PIR: variants seen among roughly 807,000 people sequenced by gnomAD.
PIR encodes pirin (iron-binding nuclear protein).
In PIR, 22 loss-of-function variants were observed where a neutral mutation model predicts 24.2. That is an observed-to-expected ratio of 0.91 (90% CI 0.65 to 1.30). The LOEUF is 1.30. Among genes scored for constraint, PIR ranks in the 50% most tolerant of loss-of-function variants. PIR has a pLI of 0.00. For synonymous variants in PIR, 80 were observed against 79.6 expected (o/e 1.00, Z -0.03); for missense variants, 220 against 220.3 (o/e 1.00, Z 0.01).
intron 2 of PIR, among the ~76,000 whole-genome samples, chrX:15,483,288 T>A (rs986861430): frequency 9.1e-6 from 1 of 110,074 alleles, no homozygotes; most frequent in African/African-American, 3.3e-5. Flanking sequence ...TATCTCAACC[T>A]GGTGTTTCAT....
At chrX:15,394,941 T>C (rs1413192939) in intron 8 of PIR, among the ~76,000 whole-genome samples, 1 of 111,654 alleles carries the variant, frequency 9.0e-6, no homozygotes, top group African/African-American at 3.3e-5. Context: ...GGTCAACCAG[T>C]AGTCAAATGG....
intron 2 of PIR, among the ~76,000 whole-genome samples, chrX:15,489,388 A>G (rs894125324): frequency 1.8e-5 from 2 of 112,380 alleles, no homozygotes; most frequent in African/African-American, 6.5e-5. Context: ...AGAAATTGAT[A>G]GGTTTCATCA....
At chrX:15,397,631 A>G (rs1239127241) in intron 7 of PIR, 100 bp from the exon 8 acceptor site, 12 of 509,832 alleles carry the variant, frequency 2.4e-5, no homozygotes, top group African/African-American at 2.1e-4. Context: ...ATTTATTTTA[A>G]TTTGAGAAAT....
chrX:15,424,768 G>A (rs1925250532), intron 6 of PIR, among the ~76,000 whole-genome samples: 1 of 112,083 alleles, frequency 8.9e-6, no homozygotes, highest in Non-Finnish European at 1.9e-5. Flanking sequence ...GGCCAAGGCA[G>A]GAGGATCAAC....
chrX:15,429,377 A>G (rs1362456794), intron 5 of PIR: 1 of 112,269 alleles, frequency 8.9e-6, no homozygotes, highest in Non-Finnish European at 1.9e-5. Context: ...AAAAAGTCTA[A>G]GAGGAAATTT....
At chrX:15,491,056 C>T (rs778104673) in intron 2 of PIR, 106 bp downstream of exon 2, 39 of 551,231 alleles carry the variant, frequency 7.1e-5, no homozygotes, top group Non-Finnish European at 1.1e-4. Context: ...ATGCACTCCA[C>T]AGGCCAGCTC....
At position 15,447,597 on chromosome X, in the gene PIR, C is replaced by T. The variant is rs745740933; in HGVS notation, c.480+8251G>A. On this transcript the variant is annotated intron_variant, in intron 5 of 9. Transcript: ENST00000380420. ...CCTCCCAAAGTGCTGGGATTACAGGCGTGAGCCACCACGCCCGGCTGCTGA... is the reference window on the plus strand; with the variant it reads ...CCTCCCAAAGTGCTGGGATTACAGGTGTGAGCCACCACGCCCGGCTGCTGA... 1.1e-3 allele frequency among the ~76,000 whole-genome samples: 126 copies of T among 112,175 alleles called. 1 individual carries two copies. The highest frequency in any genetic ancestry group is 1.4e-3 in the Non-Finnish European group (76 of 53,233).
At chrX:15,433,645 GA>G (rs1925605689) in intron 5 of PIR, among the ~76,000 whole-genome samples, 2 of 94,240 alleles carry the variant, frequency 2.1e-5, no homozygotes, top group South Asian at 5.7e-4. Context: ...AAAGAAGGAG[GA>G]AGAAGAGGAA....
At chrX:15,440,561 A>G (rs1460810700) in intron 5 of PIR, among the ~76,000 whole-genome samples, 1 of 110,909 alleles carries the variant, frequency 9.0e-6, no homozygotes, top group East Asian at 2.8e-4. Flanking sequence ...TGCTCTCCAC[A>G]ATGAACACAG....
At chrX:15,475,289 G>C (rs1922136664) in intron 3 of PIR, among the ~76,000 whole-genome samples, 1 of 111,596 alleles carries the variant, frequency 9.0e-6, no homozygotes, top group Admixed American at 9.5e-5. Flanking sequence ...TGGAAACAGG[G>C]TGGTTTTGTT....
intron 5 of PIR, among the ~76,000 whole-genome samples, chrX:15,455,630 T>C (rs769385674): frequency 2.4e-4 from 27 of 112,779 alleles, no homozygotes; most frequent in African/African-American, 7.7e-4. Flanking sequence ...CCAAACTTTA[T>C]ATGAGCTTGC....
intron 2 of PIR, among the ~76,000 whole-genome samples, chrX:15,488,596 ATTGT>A (rs767296094): frequency 2.1e-3 from 231 of 112,314 alleles, no homozygotes; most frequent in African/African-American, 6.7e-3. Context: ...GGAACATAAA[ATTGT>A]TTGTTCTATA....
chrX:15,390,253 T>A lies in PIR; in HGVS notation c.694-2A>T. 1 of 1,094,319 alleles carries A rather than the reference T, an allele frequency of 9.1e-7. No homozygotes were observed. Among genetic ancestry groups the A allele is most frequent in the South Asian group, 2.1e-5 (1 of 46,651 alleles). The allele number at this position is 1,094,319 out of a possible 1,213,427, so 90.2% of individuals were successfully genotyped here. A position where few individuals can be genotyped will look rare whatever the true frequency, so the allele number is the denominator to read the frequency against. On this transcript the variant is annotated splice_acceptor_variant, in intron 8 of 9. Transcript: ENST00000380420. LOFTEE classifies it high-confidence loss of function. ...GACAAAGTGGCTTCTCTTGGGATCCTAAAGTTAACAAAGAAAACATCAAAC... is the reference window on the plus strand; with the variant it reads ...GACAAAGTGGCTTCTCTTGGGATCCAAAAGTTAACAAAGAAAACATCAAAC...
chrX:15,413,517 C>T (rs1022213663), intron 6 of PIR, among the ~76,000 whole-genome samples: 1 of 111,747 alleles, frequency 8.9e-6, no homozygotes, highest in African/African-American at 3.3e-5. Context: ...CAGCAAGTAA[C>T]AGCTCACCGT....
chrX:15,395,633 A>G (rs978397998), intron 8 of PIR, among the ~76,000 whole-genome samples: 1 of 112,229 alleles, frequency 8.9e-6, no homozygotes, highest in Non-Finnish European at 1.9e-5. Context: ...AAGAAACTGA[A>G]GCTCAGAGGG....
At chrX:15,434,534 A>T (rs1006067392) in intron 5 of PIR, among the ~76,000 whole-genome samples, 2 of 110,688 alleles carry the variant, frequency 1.8e-5, no homozygotes, top group African/African-American at 6.6e-5. Context: ...GTCAGTGGTG[A>T]CTGGTTTCAA....
chrX:15,421,895 C>T (rs1925143385), intron 6 of PIR, among the ~76,000 whole-genome samples: 1 of 111,453 alleles, frequency 9.0e-6, no homozygotes, highest in Non-Finnish European at 1.9e-5. Context: ...AAACTCTCAA[C>T]AAAATACTAG....
chrX:15,446,531 G>A (rs887562248), intron 5 of PIR, among the ~76,000 whole-genome samples: 2 of 111,780 alleles, frequency 1.8e-5, no homozygotes, highest in African/African-American at 6.5e-5. Flanking sequence ...ATAAATTTGC[G>A]TTGGGCCATA....
At chrX:15,491,834 A>G (rs1372646398) in intron 1 of PIR, among the ~76,000 whole-genome samples, 2 of 111,069 alleles carry the variant, frequency 1.8e-5, no homozygotes, top group Non-Finnish European at 3.8e-5. Flanking sequence ...CTACACACCT[A>G]GGTTATACCA....
Sources: allele counts gnomAD v4.1 joint callset (sites outside exome capture counted in the v4.1 genomes callset), GRCh38; gene constraint gnomAD v4.1.1; transcripts MANE v1.5; gene names NCBI Gene and HGNC (gene_info 2026-07-23, HGNC 2026-07-21).